Variants in BCR observed in about 807,000 individuals in gnomAD.
BCR encodes the protein BCR activator of RhoGEF and GTPase.
Under a neutral mutation model 138.6 loss-of-function variants are expected in BCR, and 58 were observed. The observed-to-expected ratio is 0.42, with a 90% CI of 0.34 to 0.52. The LOEUF is 0.52. Among genes scored for constraint, BCR ranks in the 20% least tolerant of loss-of-function variants. BCR has a pLI of 0.06. For missense variants in BCR, 1,599 were observed against 1,727.2 expected (o/e 0.93, Z 1.32); for synonymous variants, 786 against 730.1 (o/e 1.08, Z -1.23).
chr22:23,201,799 C>T (rs1353703075), intron 1 of BCR, among the ~76,000 whole-genome samples: 1 of 152,116 alleles, frequency 6.6e-6, no homozygotes, highest in African/African-American at 2.4e-5. Flanking sequence ...TTGACTCTAG[C>T]CCTCAGGGTT....
intron 8 of BCR, among the ~76,000 whole-genome samples, chr22:23,278,362 G>T (rs2073603735): frequency 6.6e-6 from 1 of 152,214 alleles, no homozygotes; most frequent in Non-Finnish European, 1.5e-5. Flanking sequence ...TACCACCAGT[G>T]CAGGCTTGAG....
chr22:23,185,488 AC>A (rs1416477495), intron 1 of BCR, among the ~76,000 whole-genome samples: 1 of 151,614 alleles, frequency 6.6e-6, no homozygotes, highest in African/African-American at 2.4e-5. Context: ...ACACGGTGAA[AC>A]CCCGTCTCTA....
At chr22:23,193,810 C>T (rs562421243) in intron 1 of BCR, among the ~76,000 whole-genome samples, 1 of 152,306 alleles carries the variant, frequency 6.6e-6, no homozygotes, top group African/African-American at 2.4e-5. Flanking sequence ...GTGACAGGAA[C>T]CCTCTTAGCT....
At position 23,181,235 on chromosome 22, in the gene BCR, C is replaced by T; in HGVS notation, c.275C>T (p.Ala92Val). Residue 92 changes from alanine (A) to valine (V), a missense_variant, in exon 1 of 23, where the codon GCG becomes GTG. Ala to Val is a moderately conservative substitution (Grantham distance 64, BLOSUM62 0). This residue lies in a region of BCR where 806 missense variants were observed against 635.0 expected (regional missense o/e 1.27). Coordinates refer to ENST00000305877, the MANE Select transcript of BCR (RefSeq NM_004327.4). ...CCCGACGGCGCCTCCGAGCCCCGAG[C>T]GTCCGCGTCGCGCCCGCAGCCAGCG... ...QAPDGASEPR[A>V]SASRPQPAPA... 8.1e-7 allele frequency: 1 copy of T among 1,233,560 alleles called. No homozygotes were observed. Among genetic ancestry groups the T allele is most frequent in the Non-Finnish European group, 1.0e-6 (1 of 979,260 alleles). The allele number at this position is 1,233,560 out of a possible 1,614,324, so 76.4% of individuals were successfully genotyped here.
In BCR at chr22:23,209,787, C is replaced by T. The variant is rs139592476; in HGVS notation, c.1279+27548C>T. 1.6e-4 allele frequency among the ~76,000 whole-genome samples: 25 copies of T among 152,110 alleles called. No homozygotes were observed. The East Asian group carries it at 4.1e-3, about 25-fold the overall frequency. ...CTTGATCTCCTGACCTTGTGATCCG[C>T]GCCCAGCCTATTTTTTAATTTTTTT... On this transcript the variant is annotated intron_variant, in intron 1 of 22. Transcript: ENST00000305877.
chr22:23,212,540 C>A (rs759098617), intron 1 of BCR, among the ~76,000 whole-genome samples: 3 of 152,214 alleles, frequency 2.0e-5, no homozygotes, highest in Non-Finnish European at 2.9e-5. Flanking sequence ...GAAGTAAGCC[C>A]CCACTGGGCT....
intron 2 of BCR, among the ~76,000 whole-genome samples, chr22:23,256,838 C>T (rs1193593231): frequency 1.3e-5 from 2 of 152,142 alleles, no homozygotes; most frequent in Admixed American, 1.3e-4. Context: ...GCTTTTCCTG[C>T]TTGGTTGTCA....
intron 1 of BCR, among the ~76,000 whole-genome samples, chr22:23,208,956 C>T (rs755358181): frequency 3.3e-5 from 5 of 152,204 alleles, no homozygotes; most frequent in Non-Finnish European, 5.9e-5. Flanking sequence ...TTTGGCTAAT[C>T]GAGGTACTTC....
chr22:23,261,044 C>T lies in BCR; in HGVS notation c.1556C>T (p.Ala519Val). Residue 519 changes from alanine to valine, a missense_variant, in exon 3 of 23, where the codon GCA (alanine) becomes GTA (valine). Around this residue, in one of 4 missense-constraint regions of BCR, gnomAD observed 590 missense variants for 762.4 expected, o/e 0.77. Transcript: ENST00000305877. ...SEETYLSHLE[A>V]LLLPMKPLKA... is the part of the protein sequence containing the mutation. ...GAGACTTACCTGAGCCACCTGGAGGCACTGCTGCTGGTGAGGAGGATTTAG... is the reference window on the plus strand; with the variant it reads ...GAGACTTACCTGAGCCACCTGGAGGTACTGCTGCTGGTGAGGAGGATTTAG... The T allele has an allele frequency of 6.2e-7, 1 of 1,613,438 alleles. No homozygotes were observed. The highest frequency in any genetic ancestry group is 1.3e-5 in the African/African-American group (1 of 75,000).
chr22:23,191,451 A>AAACAACAAC (rs146041852), intron 1 of BCR, among the ~76,000 whole-genome samples: 1 of 151,744 alleles, frequency 6.6e-6, no homozygotes, highest in African/African-American at 2.4e-5. Flanking sequence ...CTTGTCTTTA[A>AAACAACAAC]AACAACAACA....
chr22:23,204,706 C>T lies in BCR; in HGVS notation c.1279+22467C>T, dbSNP rs201414346. The stretch of plus-strand genomic sequence containing the variant: ...CACTGGCCAGTCTACAGGTCACCAC[C>T]AGGACTGGAACAGATTTCAGAGGCC... On this transcript the variant is annotated intron_variant, in intron 1 of 22. Transcript: ENST00000305877. Among the ~76,000 whole-genome samples, 8 of 152,306 alleles carry T rather than the reference C, an allele frequency of 5.3e-5. No individual in the cohort carries two copies. The East Asian group carries it at 9.6e-4, about 18-fold the overall frequency.
chr22:23,238,033 C>T (rs1441870623), intron 1 of BCR, among the ~76,000 whole-genome samples: 1 of 152,160 alleles, frequency 6.6e-6, no homozygotes, highest in Non-Finnish European at 1.5e-5. Context: ...TCTGATGGGG[C>T]CTGCTTGACA....
intron 1 of BCR, among the ~76,000 whole-genome samples, chr22:23,221,998 G>T (rs983328760): frequency 6.6e-6 from 1 of 152,136 alleles, no homozygotes; most frequent in African/African-American, 2.4e-5. Context: ...GGCTGAGGCA[G>T]GAGAATCACT....
chr22:23,201,702 T>G (rs972944122), intron 1 of BCR, among the ~76,000 whole-genome samples: 3 of 152,084 alleles, frequency 2.0e-5, no homozygotes, highest in East Asian at 1.9e-4. Flanking sequence ...TGATCCGCCC[T>G]CCTCGGCCTC....
chr22:23,285,582 T>A (rs116099738), intron 10 of BCR, among the ~76,000 whole-genome samples: 141 of 152,342 alleles, frequency 9.3e-4, no homozygotes, highest in African/African-American at 3.2e-3. Flanking sequence ...TTAAACTGTG[T>A]CCAGTTTATG....
At chr22:23,269,177 G>A (rs1258261464) in intron 5 of BCR, among the ~76,000 whole-genome samples, 2 of 152,238 alleles carry the variant, frequency 1.3e-5, no homozygotes, top group Non-Finnish European at 2.9e-5. Flanking sequence ...CAGAAGGCTG[G>A]TGGCCCAGCC....
chr22:23,282,347 C>T (rs985046909), intron 8 of BCR, among the ~76,000 whole-genome samples: 3 of 152,222 alleles, frequency 2.0e-5, no homozygotes, highest in African/African-American at 7.2e-5. Context: ...GGGTGAGTGC[C>T]GATGAGTCAT....
At chr22:23,202,640 C>T (rs2072566125) in intron 1 of BCR, among the ~76,000 whole-genome samples, 1 of 152,056 alleles carries the variant, frequency 6.6e-6, no homozygotes, top group Non-Finnish European at 1.5e-5. Flanking sequence ...ACTTATTTCA[C>T]ATCATGTCCT....
Position 23,181,986 on chromosome 22 carries a change from G to A in BCR, c.1026G>A (p.Glu342=). The A allele has an allele frequency of 1.9e-6, 3 of 1,613,442 alleles. No homozygotes were observed. The highest frequency in any genetic ancestry group is 1.7e-6 in the Non-Finnish European group (2 of 1,179,950). Residue 342 remains glutamate (E), a synonymous_variant, in exon 1 of 23, where the codon GAG becomes GAA. Transcript: ENST00000305877. The stretch of plus-strand genomic sequence containing the variant: ...CCAATGAGAACCTCACCTCCAGCGA[G>A]GAGGACTTCTCCTCTGGCCAGTCCA... ...CSSNENLTSS[E]EDFSSGQSSR...
Sources: gnomAD v4.1 joint callset for allele counts (sites outside exome capture counted in the v4.1 genomes callset) on GRCh38, gnomAD v4.1.1 for gene constraint, gnomAD v4.1.1 regional missense constraint, MANE v1.5 for transcripts, NCBI Gene and HGNC (gene_info 2026-07-23, HGNC 2026-07-21) for gene names.